QTRT1: variants seen among roughly 807,000 people sequenced by gnomAD.
QTRT1 encodes queuine tRNA-ribosyltransferase catalytic subunit 1.
QTRT1 carries 41 observed loss-of-function variants against 44.0 expected under a neutral mutation model. The ratio of observed to expected loss-of-function variants is 0.93; its 90% CI spans 0.73 to 1.21. The LOEUF (loss-of-function observed/expected upper bound fraction) is 1.21. Ranked by LOEUF, QTRT1 falls within the 50% of genes most tolerant of loss-of-function variation. The pLI, the probability that QTRT1 is intolerant of heterozygous loss-of-function variation, is 0.00. For synonymous variants in QTRT1, 226 were observed against 237.1 expected (o/e 0.95, Z 0.43); for missense variants, 542 against 575.8 (o/e 0.94, Z 0.60).
At position 10,713,144 on chromosome 19, in the gene QTRT1, C is replaced by T; in HGVS notation, c.1086C>T (p.Thr362=). 1 of 1,609,332 alleles carries T rather than the reference C, an allele frequency of 6.2e-7. No individual in the cohort carries two copies. ...YQLQLMSAVR[T]SIVEKRFPDF... ...TGCAGCTCATGAGCGCCGTCCGCAC[C>T]AGCATCGTGGAGAAGCGCTTCCCGG... is the stretch of plus-strand genomic sequence containing the variant. The change falls in exon 10 of 10, where the codon ACC becomes ACT. Residue 362 remains threonine, a synonymous_variant. Coordinates refer to ENST00000250237, the MANE Select transcript of QTRT1 (RefSeq NM_031209.3). The surrounding 1 kb of genome is among the most constrained non-coding windows in gnomAD (Gnocchi z 4.3).
rs1422048586 is a variant in QTRT1 at position 10,707,574 on chromosome 19, A to G, written c.605A>G (p.Gln202Arg). 13 of 1,611,562 alleles carry G rather than the reference A, an allele frequency of 8.1e-6. No homozygotes were observed. Among genetic ancestry groups the G allele is most frequent in the Non-Finnish European group, 1.1e-5 (13 of 1,178,910 alleles). Residue 202 changes from glutamine to arginine, a missense_variant, in exon 5 of 10, where the codon CAG becomes CGG. Gln to Arg is a conservative substitution (Grantham distance 43, BLOSUM62 1). Transcript: ENST00000250237. ...PDKQNLFAIIQGGLDADLRAT... is the reference protein window; with the variant it reads ...PDKQNLFAIIRGGLDADLRAT... ...AAGCAGAACCTCTTCGCCATTATCC[A>G]GGGTGGGCTGGACGCAGATCTCCGG...
intron 3 of QTRT1, among the ~76,000 whole-genome samples, chr19:10,706,190 T>C (rs1463185325): frequency 6.6e-6 from 1 of 152,012 alleles, no homozygotes; most frequent in Non-Finnish European, 1.5e-5. Flanking sequence ...TGTTTTCATC[T>C]ATTTATTTTC....
Position 10,707,500 on chromosome 19 carries a change from G to A in QTRT1, c.531G>A (p.Arg177=). 1 of 1,611,596 alleles carries A rather than the reference G, an allele frequency of 6.2e-7. No individual in the cohort carries two copies. The highest frequency in any genetic ancestry group is 8.5e-7 in the Non-Finnish European group (1 of 1,178,114). Residue 177 remains arginine, a splice_region_variant and synonymous_variant, in exon 5 of 10, where the codon AGG becomes AGA. Transcript: ENST00000250237. The part of the protein sequence containing the change: ...TGPRVEEAMY[R]SIRWLDRCIA... ...GCTTGTGACTGGGGCCCTGTTGCAG[G>A]TCAATCCGCTGGCTGGACCGGTGCA...
Position 10,712,938 on chromosome 19 carries a change from C to G in QTRT1, c.972-15C>G. On this transcript the variant is annotated splice_polypyrimidine_tract_variant and intron_variant, in intron 8 of 9. Coordinates refer to ENST00000250237, the MANE Select transcript of QTRT1 (RefSeq NM_031209.3). The surrounding 1 kb of genome is among the most constrained non-coding windows in gnomAD (Gnocchi z 5.6). ...AGGGCCTGGCCGTGCTGAGCTGTCCCCTGCCGCTCTACAGGCACAGCCGCG... is the reference window on the plus strand; with the variant it reads ...AGGGCCTGGCCGTGCTGAGCTGTCCGCTGCCGCTCTACAGGCACAGCCGCG... 1 of 1,613,068 alleles carries G rather than the reference C, an allele frequency of 6.2e-7. No homozygotes were observed. Among genetic ancestry groups the G allele is most frequent in the Non-Finnish European group, 8.5e-7 (1 of 1,179,900 alleles).
At position 10,712,943 on chromosome 19, in the gene QTRT1, C is replaced by T. The variant is rs755441387; in HGVS notation, c.972-10C>T. On this transcript the variant is annotated splice_polypyrimidine_tract_variant and intron_variant, in intron 8 of 9. Coordinates refer to ENST00000250237, the MANE Select transcript of QTRT1 (RefSeq NM_031209.3). The surrounding 1 kb of genome is among the most constrained non-coding windows in gnomAD (Gnocchi z 5.6). ...CTGGCCGTGCTGAGCTGTCCCCTGC[C>T]GCTCTACAGGCACAGCCGCGCCTTC... is the stretch of plus-strand genomic sequence containing the variant. 21 of 1,612,952 alleles carry T rather than the reference C, an allele frequency of 1.3e-5. No homozygotes were observed. The highest frequency in any genetic ancestry group is 1.5e-5 in the Non-Finnish European group (18 of 1,179,856).
At position 10,712,774 on chromosome 19, in the gene QTRT1, T is replaced by G; in HGVS notation, c.878T>G (p.Leu293Arg). ...CTCCCACAGCGCTTTGGCTCTGCCC[T>G]GGTGCCCACTGGGAACCTGCAGTTG... ...PTRTARFGSA[L>R]VPTGNLQLRK... Residue 293 changes from leucine to arginine, a missense_variant, in exon 8 of 10, where the codon CTG (leucine) becomes CGG (arginine). Leu to Arg is a moderately radical substitution (Grantham distance 102). Coordinates refer to ENST00000250237, the MANE Select transcript of QTRT1 (RefSeq NM_031209.3). The surrounding 1 kb of genome is among the most constrained non-coding windows in gnomAD (Gnocchi z 5.6). The G allele has an allele frequency of 1.2e-6, 2 of 1,613,972 alleles. No individual in the cohort carries two copies. Among genetic ancestry groups the G allele is most frequent in the Middle Eastern group, 1.7e-4 (1 of 6,058 alleles).
At chr19:10,701,783 ACT>A in intron 1 of QTRT1, 80 bp downstream of exon 1, 1 of 1,560,626 alleles carries the variant, frequency 6.4e-7, no homozygotes, top group Non-Finnish European at 8.7e-7. Context: ...AGGCCCGGAC[ACT>A]CCTCCCAAAG....
chr19:10,713,131 G>C lies in QTRT1; in HGVS notation c.1073G>C (p.Ser358Thr), dbSNP rs772853270. The stretch of plus-strand genomic sequence containing the variant: ...CCCTCCCCGCAGCTGCAGCTCATGA[G>C]CGCCGTCCGCACCAGCATCGTGGAG... ...HNIAYQLQLMSAVRTSIVEKR... is the reference protein window; with the variant it reads ...HNIAYQLQLMTAVRTSIVEKR... Residue 358 changes from serine to threonine, a missense_variant, in exon 10 of 10, where the codon AGC becomes ACC. Ser to Thr is a moderately conservative substitution (Grantham distance 58). Transcript: ENST00000250237. This position sits in a 1 kb window ranked among gnomAD's most constrained non-coding sequence, Gnocchi z 4.3. 5 of 1,609,290 alleles carry C rather than the reference G, an allele frequency of 3.1e-6. No homozygotes were observed. The highest frequency in any genetic ancestry group is 4.2e-6 in the Non-Finnish European group (5 of 1,178,904).
In QTRT1 at chr19:10,712,003, C is replaced by T; in HGVS notation, c.647-158C>T. 9 of 862,314 alleles carry T rather than the reference C, an allele frequency of 1.0e-5. No homozygotes were observed. The South Asian group carries it at 1.4e-4, about 13-fold the overall frequency. The allele number at this position is 862,314 out of a possible 1,614,324, so 53.4% of individuals were successfully genotyped here. ...TGGACCCTCTCCTCTGTCTCCCTCTCCGTCTCCCTCTCCGTCTCTGGCTCT... is the reference window on the plus strand; with the variant it reads ...TGGACCCTCTCCTCTGTCTCCCTCTTCGTCTCCCTCTCCGTCTCTGGCTCT... On this transcript the variant is annotated intron_variant, in intron 5 of 9. Transcript: ENST00000250237. The surrounding 1 kb of genome is among the most constrained non-coding windows in gnomAD (Gnocchi z 5.6).
Position 10,713,143 on chromosome 19 carries a change from C to T in QTRT1, c.1085C>T (p.Thr362Ile), listed in dbSNP as rs1278976054. Residue 362 changes from threonine (T) to isoleucine (I), a missense_variant, in exon 10 of 10, where the codon ACC becomes ATC. Coordinates refer to ENST00000250237, the MANE Select transcript of QTRT1 (RefSeq NM_031209.3). The surrounding 1 kb of genome is among the most constrained non-coding windows in gnomAD (Gnocchi z 4.3). ...CTGCAGCTCATGAGCGCCGTCCGCA[C>T]CAGCATCGTGGAGAAGCGCTTCCCG... ...YQLQLMSAVR[T>I]SIVEKRFPDF... The T allele has an allele frequency of 6.8e-6, 11 of 1,609,090 alleles. No homozygotes were observed. In the Admixed American group the frequency reaches 1.0e-4, roughly 15 times the overall value.
chr19:10,710,029 A>G (rs2068731527), intron 5 of QTRT1, among the ~76,000 whole-genome samples: 1 of 151,918 alleles, frequency 6.6e-6, no homozygotes, highest in Non-Finnish European at 1.5e-5. Flanking sequence ...AGAAAAAAAG[A>G]AAATTAGCAC....
At position 10,708,753 on chromosome 19, in the gene QTRT1, CT is replaced by C. The variant is rs1220753692; in HGVS notation, c.646+1151del. Among the ~76,000 whole-genome samples the C allele has an allele frequency of 5.3e-3, 747 of 141,926 alleles. 5 individuals carry two copies. Among genetic ancestry groups the C allele is most frequent in the Admixed American group, 0.011 (161 of 14,046 alleles). The allele number at this position is 141,926 out of a possible 152,430, so 93.1% of individuals were successfully genotyped here. A position where few individuals can be genotyped will look rare whatever the true frequency, so the allele number is the denominator to read the frequency against. The stretch of plus-strand genomic sequence containing the variant: ...CTGGCCCCAGACAACGCCTGCATTC[CT>C]TTTTTTTTTTTTCTTTTTTTTTTTT... On this transcript the variant is annotated intron_variant, in intron 5 of 9. Coordinates refer to ENST00000250237, the MANE Select transcript of QTRT1 (RefSeq NM_031209.3).
In QTRT1 at chr19:10,705,840, CTTTTTTTTTTTTTTTTTT is replaced by C. The variant is rs71164114; in HGVS notation, c.452-1449_452-1432del. On this transcript the variant is annotated intron_variant, in intron 3 of 9. Transcript: ENST00000250237. ...CGCAAGCCACCAGGCCTGGCCTGTT[CTTTTTTTTTTTTTTTTTT>C]TTTTTTTTTTTTGTGGAGACAGAGT... is the stretch of plus-strand genomic sequence containing the variant. 2.8e-3 allele frequency among the ~76,000 whole-genome samples: 105 copies of C among 37,710 alleles called. 1 individual carries two copies. Among genetic ancestry groups the C allele is most frequent in the African/African-American group, 0.011 (100 of 9,456 alleles). The allele number at this position is 37,710 out of a possible 152,430, so 24.7% of individuals were successfully genotyped here.
At chr19:10,707,984 G>A (rs980730028) in intron 5 of QTRT1, among the ~76,000 whole-genome samples, 24 of 148,284 alleles carry the variant, frequency 1.6e-4, no homozygotes, top group Non-Finnish European at 3.0e-4. Context: ...GTCTTGCACT[G>A]TCGCCCAGGC....
In QTRT1 at chr19:10,712,558, C is replaced by T. The variant is rs1239349052; in HGVS notation, c.791C>T (p.Ala264Val). Residue 264 changes from alanine (A) to valine (V), a missense_variant, in exon 7 of 10, where the codon GCC (alanine) becomes GTC (valine). By Grantham distance (64) the Ala-to-Val change is moderately conservative (BLOSUM62 0). Coordinates refer to ENST00000250237, the MANE Select transcript of QTRT1 (RefSeq NM_031209.3). This position sits in a 1 kb window ranked among gnomAD's most constrained non-coding sequence, Gnocchi z 5.6. The part of the protein sequence containing the change: ...KPRYLMGVGY[A>V]TDLVVCVALG... ...CGTCATGGCTGCAACCCCAGCTATG[C>T]CACTGATCTGGTAGTCTGCGTGGCT... The T allele has an allele frequency of 6.2e-7, 1 of 1,613,698 alleles. No individual in the cohort carries two copies. The highest frequency in any genetic ancestry group is 1.7e-5 in the Admixed American group (1 of 60,016).
rs2068744521 is a variant in QTRT1, at chr19:10,712,696, T to TG, written c.862-56dup. 2 of 507,612 alleles carry TG rather than the reference T, an allele frequency of 3.9e-6. No homozygotes were observed. Among genetic ancestry groups the TG allele is most frequent in the African/African-American group, 3.8e-5 (1 of 26,380 alleles). The allele number at this position is 507,612 out of a possible 1,614,324, so 31.4% of individuals were successfully genotyped here. A position where few individuals can be genotyped will look rare whatever the true frequency, so the allele number is the denominator to read the frequency against. On this transcript the variant is annotated intron_variant, in intron 7 of 9. Coordinates refer to ENST00000250237, the MANE Select transcript of QTRT1 (RefSeq NM_031209.3). The surrounding 1 kb of genome is among the most constrained non-coding windows in gnomAD (Gnocchi z 5.6). Reference sequence around the variant, plus strand: ...GGGACTAGGGAGGCAAGGTTAGGGGTGGGGGGTGGGGAGAATGAAGCCCTG... The same window carrying TG: ...GGGACTAGGGAGGCAAGGTTAGGGGTGGGGGGGTGGGGAGAATGAAGCCCTG...
At chr19:10,709,943 G>A (rs1450880923) in intron 5 of QTRT1, among the ~76,000 whole-genome samples, 1 of 151,958 alleles carries the variant, frequency 6.6e-6, no homozygotes, top group African/African-American at 2.4e-5. Flanking sequence ...CCCGGGAGGT[G>A]GAGGTTACAG....
chr19:10,701,985 C>T lies in QTRT1; in HGVS notation c.279C>T (p.His93=). The T allele has an allele frequency of 1.2e-6, 2 of 1,614,198 alleles. No homozygotes were observed. The highest frequency in any genetic ancestry group is 8.5e-7 in the Non-Finnish European group (1 of 1,180,020). Residue 93 remains histidine (H), a synonymous_variant, in exon 2 of 10, where the codon CAC becomes CAT. Transcript: ENST00000250237. ...PELIQKANGL[H]GFMNWPHNLL... is the part of the protein sequence containing the mutation. ...TGATCCAGAAAGCCAACGGTCTCCA[C>T]GGCTTCATGAATTGGCCTCATAATC...
chr19:10,705,876 G>T (rs1229345243), intron 3 of QTRT1, among the ~76,000 whole-genome samples: 1 of 88,392 alleles, frequency 1.1e-5, no homozygotes, highest in African/African-American at 4.5e-5. Context: ...TTTTTGTGGA[G>T]ACAGAGTCTC....
Sources: allele counts gnomAD v4.1 joint callset (sites outside exome capture counted in the v4.1 genomes callset), GRCh38; gene constraint gnomAD v4.1.1; non-coding constraint Gnocchi (gnomAD v3.1); transcripts MANE v1.5; gene names NCBI Gene and HGNC (gene_info 2026-07-23, HGNC 2026-07-21).